Variants in CPS1 observed in about 807,000 individuals in gnomAD.
CPS1 encodes the protein carbamoyl-phosphate synthase 1.
A neutral mutation model predicts 174.6 loss-of-function variants in CPS1; 109 were observed. The observed-to-expected ratio is 0.62, with a 90% CI of 0.53 to 0.73. The LOEUF is 0.73. CPS1 is among the 30% of genes least tolerant of loss of function. The probability of loss-of-function intolerance (pLI) is 0.00; values close to 1 mark genes in which losing one functional copy is unlikely to be tolerated. For missense variants in CPS1, 1,689 were observed against 1,821.9 expected, an observed-to-expected ratio of 0.93 and a Z score of 1.33; for synonymous variants, 637 against 632.0, an observed-to-expected ratio of 1.01 and a Z score of -0.12.
chr2:210,496,436 C>G (rs1164069206), intron 1 of CPS1, among the ~76,000 whole-genome samples: 2 of 152,110 alleles, frequency 1.3e-5, no homozygotes, highest in Non-Finnish European at 2.9e-5. Flanking sequence ...CAAATAAGAG[C>G]TAACATAGGA....
At chr2:210,509,529 A>G (rs1316531001) in intron 1 of CPS1, among the ~76,000 whole-genome samples, 1 of 152,214 alleles carries the variant, frequency 6.6e-6, no homozygotes, top group Non-Finnish European at 1.5e-5. Context: ...AGTTCTGGCC[A>G]GGGCAATCAG....
intron 1 of CPS1, among the ~76,000 whole-genome samples, chr2:210,542,452 C>T (rs1448988751): frequency 6.6e-6 from 1 of 152,050 alleles, no homozygotes; most frequent in Non-Finnish European, 1.5e-5. Context: ...GGTTATGCTC[C>T]CATTTTCACA....
At chr2:210,540,723 G>C (rs1696374099) in intron 1 of CPS1, among the ~76,000 whole-genome samples, 1 of 152,102 alleles carries the variant, frequency 6.6e-6, no homozygotes, top group South Asian at 2.1e-4. Flanking sequence ...AATGGTAAGT[G>C]GGTAATTTCG....
intron 25 of CPS1, among the ~76,000 whole-genome samples, chr2:210,644,884 C>A (rs1700329012): frequency 6.6e-6 from 1 of 152,022 alleles, no homozygotes; most frequent in South Asian, 2.1e-4. Context: ...GCAAACAGAT[C>A]TAGGTATGAT....
intron 1 of CPS1, among the ~76,000 whole-genome samples, chr2:210,479,431 C>T (rs1186746226): frequency 6.6e-6 from 1 of 151,134 alleles, no homozygotes; most frequent in Non-Finnish European, 1.5e-5. Context: ...CTGGTTCAAG[C>T]GATTCTCCTG....
At chr2:210,516,475 G>A (rs1034562036) in intron 1 of CPS1, among the ~76,000 whole-genome samples, 9 of 151,752 alleles carry the variant, frequency 5.9e-5, no homozygotes, top group Admixed American at 5.9e-4. Context: ...TCTAACCTAT[G>A]TTATTGTCTT....
intron 6 of CPS1, among the ~76,000 whole-genome samples, chr2:210,586,055 A>G (rs1205748712): frequency 6.6e-6 from 1 of 151,846 alleles, no homozygotes; most frequent in Non-Finnish European, 1.5e-5. Context: ...AAAGTTATTA[A>G]AAGAGTAAAA....
At chr2:210,579,812 GT>G in intron 5 of CPS1, 42 bp downstream of exon 5, 2 of 1,260,506 alleles carry the variant, frequency 1.6e-6, no homozygotes, top group African/African-American at 1.5e-5. Flanking sequence ...TTCTTCGGGT[GT>G]GTGTGTGTGT....
chr2:210,534,597 C>T (rs1696199934), intron 1 of CPS1, among the ~76,000 whole-genome samples: 2 of 152,122 alleles, frequency 1.3e-5, no homozygotes, highest in Admixed American at 1.3e-4. Flanking sequence ...ATCTACTTGA[C>T]ATGGAAATAT....
At chr2:210,564,036 G>A (rs1471638903) in intron 1 of CPS1, among the ~76,000 whole-genome samples, 1 of 152,086 alleles carries the variant, frequency 6.6e-6, no homozygotes, top group Non-Finnish European at 1.5e-5. Context: ...ATCTTACTAA[G>A]AAATGAAAAT....
In CPS1 at chr2:210,592,178, G is replaced by A. The variant is rs143738855; in HGVS notation, c.1086+209G>A. 6.5e-3 allele frequency among the ~76,000 whole-genome samples: 990 copies of A among 151,904 alleles called. 7 individuals are homozygous for A. Among genetic ancestry groups the A allele is most frequent in the Middle Eastern group, 0.014 (4 of 294 alleles). Reference sequence around the variant, plus strand: ...AGAACATTTCAAATCTTCTCTTCTAGCTGTTTTGAAATATGCAATAAATTA... The same window carrying A: ...AGAACATTTCAAATCTTCTCTTCTAACTGTTTTGAAATATGCAATAAATTA... On this transcript the variant is annotated intron_variant, in intron 10 of 37. Transcript: ENST00000233072.
At chr2:210,649,619 A>G (rs1242619449) in intron 27 of CPS1, among the ~76,000 whole-genome samples, 13 of 152,246 alleles carry the variant, frequency 8.5e-5, no homozygotes, top group Non-Finnish European at 1.9e-4. Flanking sequence ...CCAATTAAAA[A>G]TACATTTTAA....
At chr2:210,540,245 C>G (rs747429517) in intron 1 of CPS1, among the ~76,000 whole-genome samples, 1 of 152,122 alleles carries the variant, frequency 6.6e-6, no homozygotes, top group Non-Finnish European at 1.5e-5. Context: ...CTTTTTCTTT[C>G]TCTTTGCCTT....
upstream of CPS1, among the ~76,000 whole-genome samples, chr2:210,553,136 T>C (rs1450719236): frequency 2.0e-5 from 3 of 151,450 alleles, no homozygotes; most frequent in African/African-American, 4.8e-5. Context: ...AAAAGAACTT[T>C]GTAATAACAT....
intron 26 of CPS1, among the ~76,000 whole-genome samples, 153 bp downstream of exon 26, chr2:210,648,210 G>T (rs1459221593): frequency 6.6e-6 from 1 of 152,192 alleles, no homozygotes; most frequent in Non-Finnish European, 1.5e-5. Flanking sequence ...ATCCATGATT[G>T]CAGTTAATGC....
Position 210,660,650 on chromosome 2 carries a change from A to G in CPS1, c.3922A>G (p.Ile1308Val). The change falls in exon 32 of 38, where the codon ATT becomes GTT. Residue 1308 changes from isoleucine to valine, a missense_variant. Transcript: ENST00000233072. ...CATAATTCCTGCTGACTATGTTGCA[A>G]TTAAGGTAACATTTTCAAAAATTTA... ...HPIIPADYVA[I>V]KAPMFSWPRL... The G allele has an allele frequency of 6.2e-7, 1 of 1,613,970 alleles. No homozygotes were observed. Among genetic ancestry groups the G allele is most frequent in the Non-Finnish European group, 8.5e-7 (1 of 1,179,836 alleles).
In CPS1 at chr2:210,663,277, T is replaced by C. The variant is rs7567836; in HGVS notation, c.4002+80T>C. On this transcript the variant is annotated intron_variant, in intron 33 of 37. Coordinates refer to ENST00000233072, the MANE Select transcript of CPS1 (RefSeq NM_001875.5). ...GTTTTATGATTTGAATACAGTAAAA[T>C]AAAGGGAATAAAAACATCTGCTATC... The C allele has an allele frequency of 0.049, 66,973 of 1,353,330 alleles. 1,935 individuals carry two copies. The highest frequency in any genetic ancestry group is 0.062 in the Admixed American group (3,500 of 56,444). The allele number at this position is 1,353,330 out of a possible 1,614,324, so 83.8% of individuals were successfully genotyped here.
chr2:210,643,080 G>C (rs1412049975), intron 25 of CPS1, among the ~76,000 whole-genome samples: 3 of 152,204 alleles, frequency 2.0e-5, no homozygotes, highest in Non-Finnish European at 4.4e-5. Flanking sequence ...ATGATAAACA[G>C]TTCCAGTTCC....
chr2:210,541,398 C>T (rs558059629), intron 1 of CPS1, among the ~76,000 whole-genome samples: 3 of 152,188 alleles, frequency 2.0e-5, no homozygotes, highest in Non-Finnish European at 4.4e-5. Flanking sequence ...TGAGGCACAT[C>T]TCTGGCTGCT....
Sources: gnomAD v4.1 joint callset for allele counts (sites outside exome capture counted in the v4.1 genomes callset) on GRCh38, gnomAD v4.1.1 for gene constraint, MANE v1.5 for transcripts, NCBI Gene and HGNC (gene_info 2026-07-23, HGNC 2026-07-21) for gene names.